GALNT2: variants seen among roughly 807,000 people sequenced by gnomAD.
GALNT2 encodes the protein polypeptide N-acetylgalactosaminyltransferase 2.
Under a neutral mutation model 81.4 loss-of-function variants are expected in GALNT2, and 31 were observed. The ratio of observed to expected loss-of-function variants is 0.38; its 90% CI spans 0.29 to 0.51. GALNT2 has a LOEUF of 0.51. Among genes scored for constraint, GALNT2 ranks in the 20% least tolerant of loss-of-function variants. The probability of loss-of-function intolerance (pLI) is 0.87; values close to 1 mark genes in which losing one functional copy is unlikely to be tolerated. For missense variants in GALNT2, 629 were observed against 765.7 expected, an observed-to-expected ratio of 0.82 and a Z score of 2.11; for synonymous variants, 303 against 287.4, an observed-to-expected ratio of 1.05 and a Z score of -0.55.
At chr1:230,062,802 T>C (rs1332137237), upstream of GALNT2, among the ~76,000 whole-genome samples, 1 of 152,196 alleles carries the variant, frequency 6.6e-6, no homozygotes, top group Non-Finnish European at 1.5e-5. Context: ...CCACTGTAAA[T>C]AACACTGCTA....
chr1:230,210,114 G>C (rs946806037), intron 3 of GALNT2, among the ~76,000 whole-genome samples: 1 of 152,128 alleles, frequency 6.6e-6, no homozygotes, highest in Admixed American at 6.5e-5. Context: ...GAGCGTTTCC[G>C]GGATCCAAAC....
intron 8 of GALNT2, among the ~76,000 whole-genome samples, chr1:230,248,346 G>A (rs1572135232): frequency 6.6e-6 from 1 of 152,210 alleles, no homozygotes; most frequent in African/African-American, 2.4e-5. Context: ...AGGTTTTGCT[G>A]TCAGACCCTT....
intron 7 of GALNT2, among the ~76,000 whole-genome samples, chr1:230,245,727 G>A (rs982908778): frequency 1.3e-5 from 2 of 152,172 alleles, no homozygotes; most frequent in Non-Finnish European, 2.9e-5. Flanking sequence ...AAGGACCCTT[G>A]GGACACAGCA....
intron 1 of GALNT2, among the ~76,000 whole-genome samples, chr1:230,126,008 C>T (rs548598731): frequency 2.6e-5 from 4 of 152,330 alleles, no homozygotes; most frequent in Non-Finnish European, 5.9e-5. Flanking sequence ...GGTAGTGACC[C>T]TTCAAGCATG....
intron 1 of GALNT2, among the ~76,000 whole-genome samples, chr1:230,103,901 G>A (rs1295903031): frequency 1.3e-5 from 2 of 152,102 alleles, no homozygotes; most frequent in Admixed American, 1.3e-4. Flanking sequence ...GCTCCTACCT[G>A]ACCTTCCACT....
intron 3 of GALNT2, among the ~76,000 whole-genome samples, chr1:230,218,694 C>G (rs1664460745): frequency 6.6e-6 from 1 of 152,174 alleles, no homozygotes; most frequent in South Asian, 2.1e-4. Flanking sequence ...TTGAGATTGT[C>G]AATGTTTATG....
At chr1:230,075,917 A>G (rs1034952243) in intron 1 of GALNT2, among the ~76,000 whole-genome samples, 10 of 152,180 alleles carry the variant, frequency 6.6e-5, no homozygotes, top group African/African-American at 2.4e-4. Context: ...CCCTGGTTTC[A>G]TCTTCGTCCA....
intron 1 of GALNT2, among the ~76,000 whole-genome samples, chr1:230,094,980 C>T (rs948205308): frequency 6.6e-5 from 10 of 152,166 alleles, no homozygotes; most frequent in East Asian, 1.9e-4. Flanking sequence ...CCTCTAAGCA[C>T]GGGCCGCGAT....
At position 230,271,936 on chromosome 1, in the gene GALNT2, T is replaced by G. The variant is rs1666170789; in HGVS notation, c.1441-2509T>G. ...TTTCAAGCTTCTCAGCATAACCTGG[T>G]CTTTCTGGTGACCAGCCCCGTCCAG... On this transcript the variant is annotated intron_variant, in intron 14 of 15. Coordinates refer to ENST00000366672, the MANE Select transcript of GALNT2 (RefSeq NM_004481.5). This position sits in a 1 kb window ranked among gnomAD's most constrained non-coding sequence, Gnocchi z 4.2. Among the ~76,000 whole-genome samples the G allele has an allele frequency of 2.0e-5, 3 of 152,286 alleles. No homozygotes were observed. The South Asian group carries it at 6.2e-4, about 32-fold the overall frequency.
At chr1:230,185,810 C>T (rs371849265) in intron 2 of GALNT2, among the ~76,000 whole-genome samples, 1 of 152,204 alleles carries the variant, frequency 6.6e-6, no homozygotes. Flanking sequence ...AGCTGCCACA[C>T]CCCCATGACT....
intron 1 of GALNT2, among the ~76,000 whole-genome samples, chr1:230,177,295 A>C (rs1011271011): frequency 8.5e-5 from 13 of 152,360 alleles, no homozygotes; most frequent in African/African-American, 2.4e-4. Flanking sequence ...AAACCCGGGG[A>C]GAGCTGGGTT....
chr1:230,064,486 G>A (rs893235540), upstream of GALNT2, among the ~76,000 whole-genome samples: 1 of 152,094 alleles, frequency 6.6e-6, no homozygotes, highest in Non-Finnish European at 1.5e-5. Context: ...CTACAACCTT[G>A]ACACTTGAGG....
chr1:230,269,313 G>A (rs889332181), intron 14 of GALNT2, among the ~76,000 whole-genome samples: 16 of 151,598 alleles, frequency 1.1e-4, no homozygotes, highest in African/African-American at 2.2e-4. Flanking sequence ...AGCCTCTCAA[G>A]TAGCAGGGAT....
chr1:230,180,039 C>T (rs1465455953), intron 2 of GALNT2, among the ~76,000 whole-genome samples: 2 of 152,166 alleles, frequency 1.3e-5, no homozygotes. Context: ...CCTGTTTAAG[C>T]CTCCCAGTAG....
At chr1:230,149,153 T>A (rs1662017120) in intron 1 of GALNT2, among the ~76,000 whole-genome samples, 1 of 152,248 alleles carries the variant, frequency 6.6e-6, no homozygotes, top group South Asian at 2.1e-4. Flanking sequence ...AGTGCTGAGA[T>A]TACAGGCGTG....
chr1:230,163,101 G>C (rs1225787507), intron 1 of GALNT2, among the ~76,000 whole-genome samples: 1 of 152,192 alleles, frequency 6.6e-6, no homozygotes, highest in Non-Finnish European at 1.5e-5. Flanking sequence ...CAGTGGACAC[G>C]TGAATCTTTG....
chr1:230,118,700 G>A (rs1660922902), intron 1 of GALNT2, among the ~76,000 whole-genome samples: 1 of 151,786 alleles, frequency 6.6e-6, no homozygotes, highest in Admixed American at 6.6e-5. Context: ...GTTCTTCCCC[G>A]CGTGGCTCCT....
intron 1 of GALNT2, among the ~76,000 whole-genome samples, chr1:230,094,557 G>T (rs1381906494): frequency 6.6e-6 from 1 of 152,168 alleles, no homozygotes; most frequent in East Asian, 1.9e-4. Context: ...AGAATCACTT[G>T]AACCCGGGAG....
intron 1 of GALNT2, among the ~76,000 whole-genome samples, chr1:230,152,447 A>T (rs978587818): frequency 3.3e-5 from 5 of 152,236 alleles, no homozygotes; most frequent in African/African-American, 1.2e-4. Flanking sequence ...AGTATTCATG[A>T]TGAATAATTA....
Sources: allele counts gnomAD v4.1 joint callset (sites outside exome capture counted in the v4.1 genomes callset), GRCh38; gene constraint gnomAD v4.1.1; non-coding constraint Gnocchi (gnomAD v3.1); transcripts MANE v1.5; gene names NCBI Gene and HGNC (gene_info 2026-07-23, HGNC 2026-07-21).